The following NOL9 variants were observed in gnomAD, a reference collection of about 807,000 sequenced individuals.
The protein encoded by NOL9 is polynucleotide 5'-hydroxyl-kinase NOL9.
In NOL9, 28 loss-of-function variants were observed where a neutral mutation model predicts 67.9. The ratio of observed to expected loss-of-function variants is 0.41; its 90% CI spans 0.31 to 0.57. The LOEUF is 0.57. NOL9 is among the 20% of genes least tolerant of loss of function. The pLI is 0.25. For synonymous variants in NOL9, 356 were observed against 352.2 expected, an observed-to-expected ratio of 1.01 and a Z score of -0.12; for missense variants, 777 against 897.0, an observed-to-expected ratio of 0.87 and a Z score of 1.71.
intron 3 of NOL9, among the ~76,000 whole-genome samples, 189 bp from the exon 4 acceptor site, chr1:6,545,369 T>A (rs935680522): frequency 6.6e-6 from 1 of 152,204 alleles, no homozygotes; most frequent in Non-Finnish European, 1.5e-5. Flanking sequence ...ACGTCTATTT[T>A]CAGTTTCTGC....
At chr1:6,553,001 G>A (rs1347500873) in intron 1 of NOL9, among the ~76,000 whole-genome samples, 1 of 152,056 alleles carries the variant, frequency 6.6e-6, no homozygotes, top group Non-Finnish European at 1.5e-5. Flanking sequence ...TAGTAGAGAT[G>A]AGGTTTCACC....
chr1:6,526,060 T>A, intron 11 of NOL9, 57 bp from the exon 12 acceptor site: 1 of 1,496,846 alleles, frequency 6.7e-7, no homozygotes, highest in Admixed American at 1.7e-5. Context: ...CCAGAGGGGT[T>A]TACAGTGCTC....
Position 6,533,300 on chromosome 1 carries a change from T to C in NOL9, c.1217A>G (p.Asn406Ser). Residue 406 changes from asparagine (N) to serine (S), a missense_variant, in exon 7 of 12, where the codon AAC (asparagine) becomes AGC (serine). Coordinates refer to ENST00000377705, the MANE Select transcript of NOL9 (RefSeq NM_024654.5). ...AYKRESPLIV[N>S]TMGWVSDQGL... ...CTTACCTGAAACCCATCCCATAGTG[T>C]TGACGATGAGAGGGGACTCTCTCTT... 1.9e-6 allele frequency: 3 copies of C among 1,606,150 alleles called. No individual in the cohort carries two copies. The highest frequency in any genetic ancestry group is 2.6e-6 in the Non-Finnish European group (3 of 1,174,978).
intron 6 of NOL9, among the ~76,000 whole-genome samples, chr1:6,541,201 T>C (rs1290220250): frequency 2.6e-5 from 4 of 151,976 alleles, no homozygotes; most frequent in Admixed American, 2.0e-4. Flanking sequence ...TTTTTGGGTT[T>C]TGAGATGGAG....
intron 6 of NOL9, among the ~76,000 whole-genome samples, chr1:6,537,988 T>A (rs1400169570): frequency 2.0e-3 from 31 of 15,362 alleles, no homozygotes; most frequent in African/African-American, 8.6e-3. Flanking sequence ...CAAGACTCCA[T>A]CTCAAAAAAA....
rs1261268938 is a variant in NOL9 at position 6,538,781 on chromosome 1, G to A, written c.1075+3049C>T. Among the ~76,000 whole-genome samples, 5 of 152,098 alleles carry A rather than the reference G, an allele frequency of 3.3e-5. No homozygotes were observed. In the East Asian group the frequency reaches 5.8e-4, roughly 18 times the overall value. ...GTGGATCGCCTGAGGCCAGGAGTTC[G>A]AGACCAGCCTGGCCAATGTGGTGAA... On this transcript the variant is annotated intron_variant, in intron 6 of 11. Transcript: ENST00000377705.
intron 11 of NOL9, among the ~76,000 whole-genome samples, chr1:6,526,461 G>A (rs74499775): frequency 2.6e-5 from 4 of 152,072 alleles, no homozygotes; most frequent in Admixed American, 2.6e-4. Context: ...CTATGTAAAG[G>A]CTCCACCACG....
intron 5 of NOL9, among the ~76,000 whole-genome samples, chr1:6,542,668 A>G (rs1006291177): frequency 6.6e-6 from 1 of 151,408 alleles, no homozygotes; most frequent in Non-Finnish European, 1.5e-5. Context: ...AGTGTTAGCC[A>G]GGATGGTCTC....
In NOL9 at chr1:6,524,585, A is replaced by G. The variant is rs996001634; in HGVS notation, c.*1269T>C. 3 of 152,186 alleles carry G rather than the reference A, an allele frequency of 2.0e-5. No homozygotes were observed. The highest frequency in any genetic ancestry group is 4.4e-5 in the Non-Finnish European group (3 of 68,046). 9.4% of individuals were successfully genotyped at this position (152,186 alleles called of 1,614,324 possible). On this transcript the variant is annotated 3_prime_UTR_variant, in exon 12 of 12. Coordinates refer to ENST00000377705, the MANE Select transcript of NOL9 (RefSeq NM_024654.5). The stretch of plus-strand genomic sequence containing the variant: ...GTTCAGGTCCAGCCTCCCACAGGCA[A>G]TAATGGAGCTTTCCCAAGAGCTGGT...
rs1248318290 is a variant in NOL9 at position 6,524,460 on chromosome 1, T to C, written c.*1394A>G. 1 of 151,892 alleles carries C rather than the reference T, an allele frequency of 6.6e-6. No homozygotes were observed. Among genetic ancestry groups the C allele is most frequent in the Non-Finnish European group, 1.5e-5 (1 of 67,994 alleles). The allele number at this position is 151,892 out of a possible 1,614,324, so 9.4% of individuals were successfully genotyped here. On this transcript the variant is annotated 3_prime_UTR_variant, in exon 12 of 12. Coordinates refer to ENST00000377705, the MANE Select transcript of NOL9 (RefSeq NM_024654.5). ...ACCACTTCCAACCTAGAGGACAGAG[T>C]CGGAAGCACCAGGGAGAACGTGGAG...
intron 1 of NOL9, 61 bp downstream of exon 1, chr1:6,554,046 C>T: frequency 7.2e-7 from 1 of 1,391,202 alleles, no homozygotes. Flanking sequence ...TGCAGCTCTC[C>T]CGGGGCTGCC....
chr1:6,551,054 G>A (rs1639534427), intron 1 of NOL9, among the ~76,000 whole-genome samples: 1 of 152,174 alleles, frequency 6.6e-6, no homozygotes, highest in Non-Finnish European at 1.5e-5. Flanking sequence ...GCTCATGCTT[G>A]TGATCCCAAC....
chr1:6,527,715 C>T (rs1413549382), intron 10 of NOL9, among the ~76,000 whole-genome samples: 2 of 151,362 alleles, frequency 1.3e-5, no homozygotes, highest in African/African-American at 2.4e-5. Flanking sequence ...GGGCAGATCA[C>T]GAGGTCAGGA....
rs147263684 is a variant in NOL9 at position 6,529,015 on chromosome 1, T to C, written c.1804A>G (p.Ile602Val). Residue 602 changes from isoleucine to valine, a missense_variant, in exon 10 of 12, where the codon ATC (isoleucine) becomes GTC (valine). Around this residue, in one of 2 missense-constraint regions of NOL9, gnomAD observed 413 missense variants for 552.6 expected, o/e 0.75. Coordinates refer to ENST00000377705, the MANE Select transcript of NOL9 (RefSeq NM_024654.5). ...NGPILLAQTPICDCLGFGICR... is the reference protein window; with the variant it reads ...NGPILLAQTPVCDCLGFGICR... ...TCACCAAAGCCCAAGCAGTCACAGATTGGAGTCTGGGCAAGCAGGATGGGC... is the reference window on the plus strand; with the variant it reads ...TCACCAAAGCCCAAGCAGTCACAGACTGGAGTCTGGGCAAGCAGGATGGGC... 14 of 1,613,934 alleles carry C rather than the reference T, an allele frequency of 8.7e-6. No individual in the cohort carries two copies. The highest frequency in any genetic ancestry group is 6.7e-5 in the East Asian group (3 of 44,868).
At chr1:6,554,000 A>G in intron 1 of NOL9, 107 bp downstream of exon 1, 1 of 905,402 alleles carries the variant, frequency 1.1e-6, no homozygotes, top group Non-Finnish European at 1.6e-6. Context: ...TGGCAGCCAG[A>G]GAACAGGCCC....
chr1:6,529,236 A>G (rs1309029826), intron 9 of NOL9, 65 bp from the exon 10 acceptor site: 3 of 1,414,818 alleles, frequency 2.1e-6, no homozygotes, highest in South Asian at 1.2e-5. Context: ...AATTTCTACA[A>G]CTAGATTAAC....
Position 6,529,072 on chromosome 1 carries a change from T to C in NOL9, c.1747A>G (p.Ile583Val). ...GTGTATCCTCTGACGTCATCCTGGATCTTGCAAAGACCAACCCAGCTGGCG... is the reference window on the plus strand; with the variant it reads ...GTGTATCCTCTGACGTCATCCTGGACCTTGCAAAGACCAACCCAGCTGGCG... Reference protein sequence around the residue: ...VNASWVGLCKIQDDVRGYTNG... With the variant: ...VNASWVGLCKVQDDVRGYTNG... The change falls in exon 10 of 12, where the codon ATC becomes GTC. Residue 583 changes from isoleucine to valine, a missense_variant. Coordinates refer to ENST00000377705, the MANE Select transcript of NOL9 (RefSeq NM_024654.5). The C allele has an allele frequency of 6.2e-7, 1 of 1,614,126 alleles. No homozygotes were observed. The highest frequency in any genetic ancestry group is 8.5e-7 in the Non-Finnish European group (1 of 1,180,022).
Position 6,525,824 on chromosome 1 carries a change from A to G in NOL9, c.*30T>C, listed in dbSNP as rs1638870714. 6.2e-7 allele frequency: 1 copy of G among 1,611,720 alleles called. No homozygotes were observed. The highest frequency in any genetic ancestry group is 1.1e-5 in the South Asian group (1 of 90,986). Reference sequence around the variant, plus strand: ...CTTGAGACAAAGCTTTCTGGTAGGAAAGTTTCTTCCCTTATTAAAAACGCG... The same window carrying G: ...CTTGAGACAAAGCTTTCTGGTAGGAGAGTTTCTTCCCTTATTAAAAACGCG... On this transcript the variant is annotated 3_prime_UTR_variant, in exon 12 of 12. Transcript: ENST00000377705.
At chr1:6,533,249 T>C (rs1232590947) in intron 7 of NOL9, 31 bp downstream of exon 7, 45 of 1,545,674 alleles carry the variant, frequency 2.9e-5, no homozygotes, top group Non-Finnish European at 3.5e-5. Context: ...CTGCCTGTCC[T>C]TCCCTTGCAG....
Sources: gnomAD v4.1 joint callset for allele counts (sites outside exome capture counted in the v4.1 genomes callset) on GRCh38, gnomAD v4.1.1 for gene constraint, gnomAD v4.1.1 regional missense constraint, MANE v1.5 for transcripts, NCBI Gene and HGNC (gene_info 2026-07-23, HGNC 2026-07-21) for gene names.